Variants in IQSEC1 observed in about 807,000 individuals in gnomAD.
The protein encoded by IQSEC1 is IQ motif and SEC7 domain-containing protein 1.
In IQSEC1, 31 loss-of-function variants were observed where a neutral mutation model predicts 91.0. The observed-to-expected ratio is 0.34, with a 90% CI of 0.26 to 0.46. IQSEC1 has a LOEUF of 0.46. Ranked by LOEUF, IQSEC1 falls within the 20% of genes least tolerant of loss-of-function variation. IQSEC1 has a pLI of 1.00. For missense variants in IQSEC1, 1,388 were observed against 1,575.6 expected (o/e 0.88, Z 2.02); for synonymous variants, 699 against 662.6 (o/e 1.05, Z -0.84).
At chr3:13,241,321 C>T (rs1360568051) in intron 1 of IQSEC1, among the ~76,000 whole-genome samples, 1 of 152,194 alleles carries the variant, frequency 6.6e-6, no homozygotes, top group Non-Finnish European at 1.5e-5. Flanking sequence ...TGGAAGCTTT[C>T]GAAGGACGAC....
chr3:13,176,334 C>T (rs546465559), intron 1 of IQSEC1, among the ~76,000 whole-genome samples: 7 of 152,278 alleles, frequency 4.6e-5, no homozygotes, highest in South Asian at 2.1e-4. Context: ...CCAGACGGTT[C>T]GGGGGTCTTT....
At chr3:13,155,271 T>A (rs1238832403) in intron 2 of IQSEC1, among the ~76,000 whole-genome samples, 1 of 152,072 alleles carries the variant, frequency 6.6e-6, no homozygotes, top group African/African-American at 2.4e-5. Context: ...ATAAAAAGAC[T>A]CAACTAAAAT....
intron 2 of IQSEC1, among the ~76,000 whole-genome samples, chr3:13,152,910 G>GT (rs1312619772): frequency 6.6e-6 from 1 of 152,080 alleles, no homozygotes; most frequent in African/African-American, 2.4e-5. Flanking sequence ...AAAAAAAAGT[G>GT]TTCTTGGTTC....
chr3:13,128,022 C>T (rs1706547382), intron 2 of IQSEC1, among the ~76,000 whole-genome samples: 1 of 152,112 alleles, frequency 6.6e-6, no homozygotes, highest in South Asian at 2.1e-4. Flanking sequence ...ACAAATCCTG[C>T]TATTTTGCTG....
rs60347391 is a variant in IQSEC1 at position 13,277,137 on chromosome 3, A to AAAAAC, written c.272+5573_272+5574insGTTTT. On this transcript the variant is annotated intron_variant, in intron 1 of 15. Transcript: ENST00000648114. ...AAAAAAAAAAAAAAAAAAAAAAAAA[A>AAAAAC]CAGAAAACAAGACACAAAAGACCGG... is the stretch of plus-strand genomic sequence containing the variant. 3.0e-4 allele frequency among the ~76,000 whole-genome samples: 35 copies of AAAAAC among 118,384 alleles called. 4 individuals carry two copies. Among genetic ancestry groups the AAAAAC allele is most frequent in the African/African-American group, 1.2e-3 (34 of 27,464 alleles). The allele number at this position is 118,384 out of a possible 152,430, so 77.7% of individuals were successfully genotyped here. A position where few individuals can be genotyped will look rare whatever the true frequency, so the allele number is the denominator to read the frequency against.
intron 1 of IQSEC1, among the ~76,000 whole-genome samples, chr3:13,237,302 G>A (rs1321268387): frequency 6.7e-6 from 1 of 149,696 alleles, no homozygotes; most frequent in African/African-American, 2.6e-5. Flanking sequence ...ACACCCTGTG[G>A]AAGGTGGGGA....
At chr3:13,068,862 T>C (rs969363845) in intron 1 of IQSEC1, among the ~76,000 whole-genome samples, 1 of 152,240 alleles carries the variant, frequency 6.6e-6, no homozygotes, top group Non-Finnish European at 1.5e-5. Context: ...TCCATTCCCA[T>C]TGGGCTCTCT....
At chr3:13,230,132 T>C (rs1480024143) in intron 1 of IQSEC1, among the ~76,000 whole-genome samples, 3 of 152,236 alleles carry the variant, frequency 2.0e-5, no homozygotes, top group Non-Finnish European at 4.4e-5. Flanking sequence ...ATTTAGTCCA[T>C]CTTTAAAGAA....
intron 1 of IQSEC1, among the ~76,000 whole-genome samples, chr3:13,192,863 C>A (rs1465593137): frequency 6.6e-6 from 1 of 152,258 alleles, no homozygotes; most frequent in Non-Finnish European, 1.5e-5. Context: ...TTCTGCTTTG[C>A]AGATTCACCT....
intron 1 of IQSEC1, among the ~76,000 whole-genome samples, chr3:13,030,241 G>A (rs1703794285): frequency 6.6e-6 from 1 of 152,162 alleles, no homozygotes; most frequent in African/African-American, 2.4e-5. Flanking sequence ...GGGATTACGG[G>A]CATGCACCAC....
chr3:13,205,944 C>T (rs1430862454), intron 1 of IQSEC1, among the ~76,000 whole-genome samples: 1 of 146,762 alleles, frequency 6.8e-6, no homozygotes, highest in African/African-American at 2.5e-5. Context: ...TTATCCATCA[C>T]TCCACCCACC....
chr3:13,275,330 A>C (rs1218522851), intron 1 of IQSEC1, among the ~76,000 whole-genome samples: 1 of 152,174 alleles, frequency 6.6e-6, no homozygotes, highest in East Asian at 1.9e-4. Flanking sequence ...ACACTTCAAA[A>C]TCAGGATTCA....
intron 1 of IQSEC1, among the ~76,000 whole-genome samples, chr3:12,989,766 C>T (rs1365712073): frequency 6.6e-6 from 1 of 152,162 alleles, no homozygotes; most frequent in African/African-American, 2.4e-5. Context: ...AAGTGTTTTT[C>T]CGGTCTCTTC....
chr3:13,139,245 G>C (rs990563351), intron 2 of IQSEC1, among the ~76,000 whole-genome samples: 6 of 152,204 alleles, frequency 3.9e-5, no homozygotes, highest in African/African-American at 1.4e-4. Context: ...TCCTGGGCCT[G>C]CCTCCCTGGC....
intron 2 of IQSEC1, among the ~76,000 whole-genome samples, chr3:13,149,657 G>A (rs915997263): frequency 2.0e-5 from 3 of 152,026 alleles, no homozygotes; most frequent in Non-Finnish European, 4.4e-5. Flanking sequence ...TGTCATCCCC[G>A]TGTGCAAGCC....
intron 2 of IQSEC1, among the ~76,000 whole-genome samples, chr3:13,114,792 CAAAAAAA>C (rs11462232): frequency 1.1e-5 from 1 of 90,352 alleles, no homozygotes; most frequent in Non-Finnish European, 2.4e-5. Context: ...GACATCGTCT[CAAAAAAA>C]AAAAAAAAAA....
At chr3:13,209,846 G>A (rs1252672049) in intron 1 of IQSEC1, among the ~76,000 whole-genome samples, 1 of 152,168 alleles carries the variant, frequency 6.6e-6, no homozygotes. Flanking sequence ...CAAGAGCACC[G>A]CAGCAGCCCA....
chr3:13,184,933 T>C (rs1693905640), intron 1 of IQSEC1, among the ~76,000 whole-genome samples: 1 of 152,068 alleles, frequency 6.6e-6, no homozygotes, highest in South Asian at 2.1e-4. Flanking sequence ...GGACCTTCCT[T>C]GGTAAAGCTC....
intron 1 of IQSEC1, among the ~76,000 whole-genome samples, chr3:13,250,722 C>T (rs1032475375): frequency 3.3e-5 from 5 of 151,968 alleles, no homozygotes; most frequent in Non-Finnish European, 5.9e-5. Context: ...CCGCCTCGGC[C>T]TCCCAAAGTG....
Sources: gnomAD v4.1 joint callset for allele counts (sites outside exome capture counted in the v4.1 genomes callset) on GRCh38, gnomAD v4.1.1 for gene constraint, MANE v1.5 for transcripts, NCBI Gene and HGNC (gene_info 2026-07-23, HGNC 2026-07-21) for gene names.